Variants in KCNH7 observed in about 807,000 individuals in gnomAD.
The protein encoded by KCNH7 is voltage-gated inwardly rectifying potassium channel KCNH7.
KCNH7 carries 49 observed loss-of-function variants against 120.8 expected under a neutral mutation model. That is an observed-to-expected ratio of 0.41 (90% CI 0.32 to 0.51). The LOEUF (loss-of-function observed/expected upper bound fraction) is 0.51, where lower values mean the gene tolerates loss of function less well. KCNH7 is among the 20% of genes least tolerant of loss of function. The pLI is 0.38. For synonymous variants in KCNH7, 547 were observed against 516.1 expected (o/e 1.06, Z -0.81); for missense variants, 1,097 against 1,446.6 (o/e 0.76, Z 3.92).
chr2:162,694,486 G>GTGTGTGTA (rs2105333285), intron 2 of KCNH7, among the ~76,000 whole-genome samples: 1 of 151,786 alleles, frequency 6.6e-6, no homozygotes, highest in African/African-American at 2.4e-5. Flanking sequence ...GAGTGTGTGT[G>GTGTGTGTA]TGTGTGTGTG....
At chr2:162,778,688 T>G (rs1683351762) in intron 2 of KCNH7, among the ~76,000 whole-genome samples, 1 of 152,174 alleles carries the variant, frequency 6.6e-6, no homozygotes, top group Admixed American at 6.6e-5. Flanking sequence ...TTTTTACAAT[T>G]ATTAAATCAC....
chr2:162,704,496 G>T (rs948456123), intron 2 of KCNH7, among the ~76,000 whole-genome samples: 6 of 152,132 alleles, frequency 3.9e-5, no homozygotes, highest in Admixed American at 1.3e-4. Context: ...TGAGTTTTAT[G>T]CTTTGGTTCA....
At chr2:162,547,123 G>A (rs867907579) in intron 2 of KCNH7, among the ~76,000 whole-genome samples, 6 of 152,252 alleles carry the variant, frequency 3.9e-5, no homozygotes, top group Non-Finnish European at 7.4e-5. Context: ...GTGAGACAGC[G>A]CGTGTGTCAG....
intron 2 of KCNH7, among the ~76,000 whole-genome samples, chr2:162,748,622 T>C (rs1396086798): frequency 2.6e-5 from 4 of 152,140 alleles, no homozygotes; most frequent in Non-Finnish European, 4.4e-5. Context: ...TATAAGTGTT[T>C]TTCTTCCAAA....
At chr2:162,805,158 C>T (rs901547960) in intron 2 of KCNH7, among the ~76,000 whole-genome samples, 20 of 151,870 alleles carry the variant, frequency 1.3e-4, no homozygotes, top group Non-Finnish European at 2.4e-4. Flanking sequence ...AAAAACTCTC[C>T]TGGACACTGA....
intron 2 of KCNH7, among the ~76,000 whole-genome samples, chr2:162,580,645 G>A (rs1368631009): frequency 6.6e-6 from 1 of 152,062 alleles, no homozygotes; most frequent in Non-Finnish European, 1.5e-5. Context: ...AATATCATGT[G>A]TCCTGGATGA....
At chr2:162,615,011 TGTAAGACATC>T (rs1395495173) in intron 2 of KCNH7, among the ~76,000 whole-genome samples, 2 of 152,186 alleles carry the variant, frequency 1.3e-5, no homozygotes, top group Non-Finnish European at 2.9e-5. Context: ...ACGGTTTAAA[TGTAAGACATC>T]GTTCAGATCT....
intron 4 of KCNH7, among the ~76,000 whole-genome samples, chr2:162,513,789 A>G (rs560166323): frequency 6.6e-6 from 1 of 151,972 alleles, no homozygotes; most frequent in South Asian, 2.1e-4. Flanking sequence ...CAAGAAGTAA[A>G]TGAAAGATTA....
At chr2:162,757,643 T>C (rs1688832228) in intron 2 of KCNH7, among the ~76,000 whole-genome samples, 1 of 152,134 alleles carries the variant, frequency 6.6e-6, no homozygotes, top group South Asian at 2.1e-4. Flanking sequence ...CAGATACTTA[T>C]TTCTTCAGGT....
intron 2 of KCNH7, among the ~76,000 whole-genome samples, chr2:162,800,866 C>T (rs934529347): frequency 1.3e-5 from 2 of 151,710 alleles, no homozygotes; most frequent in South Asian, 2.1e-4. Flanking sequence ...TAGTCTTATC[C>T]TATTTGTTTC....
chr2:162,765,064 A>AG (rs1172451397), intron 2 of KCNH7, among the ~76,000 whole-genome samples: 1 of 152,188 alleles, frequency 6.6e-6, no homozygotes, highest in Non-Finnish European at 1.5e-5. Context: ...AACCAGGAGA[A>AG]GGGTAAGGAA....
chr2:162,838,430 C>G lies in KCNH7; in HGVS notation c.76+13G>C, dbSNP rs1282453878. On this transcript the variant is annotated intron_variant, in intron 1 of 15. Transcript: ENST00000332142. ...AGAAAGCGAGGGCGAGAGAAGAGAA[C>G]AAACGAACTTACTTTGCCCTTCAAA... is the stretch of plus-strand genomic sequence containing the variant. The G allele has an allele frequency of 6.2e-7, 1 of 1,609,928 alleles. No individual in the cohort carries two copies. Among genetic ancestry groups the G allele is most frequent in the East Asian group, 2.2e-5 (1 of 44,810 alleles).
At chr2:162,701,787 T>C (rs1574283638) in intron 2 of KCNH7, among the ~76,000 whole-genome samples, 1 of 152,240 alleles carries the variant, frequency 6.6e-6, no homozygotes, top group East Asian at 1.9e-4. Flanking sequence ...GGTGGGCTGA[T>C]CACAAAGTCA....
chr2:162,577,189 G>C (rs1162431474), intron 2 of KCNH7, among the ~76,000 whole-genome samples: 3 of 151,734 alleles, frequency 2.0e-5, no homozygotes, highest in African/African-American at 7.3e-5. Flanking sequence ...GAAAGTGCTG[G>C]GATTACAGGC....
chr2:162,747,206 A>G (rs931074279), intron 2 of KCNH7, among the ~76,000 whole-genome samples: 1 of 152,174 alleles, frequency 6.6e-6, no homozygotes, highest in Non-Finnish European at 1.5e-5. Context: ...TATGGTAGCA[A>G]AAAAGCCATC....
At chr2:162,454,493 T>C (rs1444291493) in intron 6 of KCNH7, among the ~76,000 whole-genome samples, 1 of 152,180 alleles carries the variant, frequency 6.6e-6, no homozygotes, top group Non-Finnish European at 1.5e-5. Flanking sequence ...GTGAAGAAAG[T>C]CAATGGTAGC....
intron 2 of KCNH7, among the ~76,000 whole-genome samples, chr2:162,614,468 C>T (rs892583056): frequency 5.1e-4 from 77 of 151,754 alleles, no homozygotes; most frequent in African/African-American, 1.8e-3. Flanking sequence ...ACAAAACAAA[C>T]TAGCTAAATG....
At chr2:162,834,621 A>G in intron 2 of KCNH7, among the ~76,000 whole-genome samples, 1 of 152,130 alleles carries the variant, frequency 6.6e-6, no homozygotes, top group African/African-American at 2.4e-5. Flanking sequence ...GTATTTGTCA[A>G]TATACTAATA....
chr2:162,784,470 T>C (rs987196336), intron 2 of KCNH7: 2 of 152,198 alleles, frequency 1.3e-5, no homozygotes, highest in Non-Finnish European at 2.9e-5. Flanking sequence ...TATTATTTAA[T>C]CCTTACCAGA....
Sources: allele counts gnomAD v4.1 joint callset (sites outside exome capture counted in the v4.1 genomes callset), GRCh38; gene constraint gnomAD v4.1.1; transcripts MANE v1.5; gene names NCBI Gene and HGNC (gene_info 2026-07-23, HGNC 2026-07-21).